Variants in ZNF383 observed in about 807,000 individuals in gnomAD.
The protein encoded by ZNF383 is zinc finger protein 383.
A neutral mutation model predicts 44.2 loss-of-function variants in ZNF383; 32 were observed. That is an observed-to-expected ratio of 0.72 (90% CI 0.55 to 0.97). ZNF383 has a LOEUF of 0.97. ZNF383 is among the 50% of genes least tolerant of loss of function. The probability of loss-of-function intolerance (pLI) is 0.00; values close to 1 mark genes in which losing one functional copy is unlikely to be tolerated. For missense variants in ZNF383, 487 were observed against 562.5 expected, an observed-to-expected ratio of 0.87 and a Z score of 1.36; for synonymous variants, 155 against 186.2, an observed-to-expected ratio of 0.83 and a Z score of 1.36.
chr19:37,243,143 A>G lies in ZNF383; in HGVS notation c.907A>G (p.Ile303Val). ...CTCACAACTTTTTCAGCATGCACGA[A>G]TTCATACAGGTGAGAAACCCTATGA... Reference protein sequence around the residue: ...KSSQLFQHARIHTGEKPYECK... With the variant: ...KSSQLFQHARVHTGEKPYECK... Residue 303 changes from isoleucine (I) to valine (V), a missense_variant, in exon 6 of 6, where the codon ATT (isoleucine) becomes GTT (valine). Coordinates refer to ENST00000684119, the MANE Select transcript of ZNF383 (RefSeq NM_001387601.1). 1 of 1,614,208 alleles carries G rather than the reference A, an allele frequency of 6.2e-7. No homozygotes were observed. Among genetic ancestry groups the G allele is most frequent in the Non-Finnish European group, 8.5e-7 (1 of 1,180,028 alleles).
chr19:37,227,184 G>A, intron 2 of ZNF383, among the ~76,000 whole-genome samples: 1 of 134,588 alleles, frequency 7.4e-6, no homozygotes, highest in East Asian at 2.2e-4. Context: ...GCGCAATCTC[G>A]GCTCACCGCA....
At chr19:37,220,699 C>T (rs190480750) in intron 1 of ZNF383, among the ~76,000 whole-genome samples, 19 of 152,164 alleles carry the variant, frequency 1.2e-4, no homozygotes, top group African/African-American at 3.9e-4. Flanking sequence ...CAGAAAAGCC[C>T]GCTAGTCCTT....
intron 2 of ZNF383, 38 bp from the exon 3 acceptor site, chr19:37,230,371 C>A: frequency 2.7e-6 from 4 of 1,465,926 alleles, no homozygotes; most frequent in Non-Finnish European, 3.8e-6. Flanking sequence ...GGTTTTACTT[C>A]CCCAGTCATG....
chr19:37,227,945 C>A (rs1232690859), intron 2 of ZNF383, among the ~76,000 whole-genome samples: 2 of 152,218 alleles, frequency 1.3e-5, no homozygotes, highest in African/African-American at 2.4e-5. Context: ...CAGGGCGGAA[C>A]ATGAAAGCGG....
rs150598767 is a variant in ZNF383 at position 37,243,458 on chromosome 19, C to G, written c.1222C>G (p.Gln408Glu). The G allele has an allele frequency of 4.3e-6, 7 of 1,613,904 alleles. No individual in the cohort carries two copies. In the Middle Eastern group the frequency reaches 9.9e-4, roughly 228 times the overall value. ...TGGGAAGGCCTTTACTCAGAACTCA[C>G]AACTTTTCCAGCATCAGAGAATTCA... ...ECGKAFTQNSQLFQHQRIHTD... is the reference protein window; with the variant it reads ...ECGKAFTQNSELFQHQRIHTD... The change falls in exon 6 of 6, where the codon CAA becomes GAA. Residue 408 changes from glutamine to glutamate, a missense_variant. By Grantham distance (29) the Gln-to-Glu change is conservative. Coordinates refer to ENST00000684119, the MANE Select transcript of ZNF383 (RefSeq NM_001387601.1).
At chr19:37,242,126 A>T (rs375157898) in intron 5 of ZNF383, among the ~76,000 whole-genome samples, 5 of 21,272 alleles carry the variant, frequency 2.4e-4, no homozygotes, top group Admixed American at 4.4e-4. Flanking sequence ...TATACTATAA[A>T]AGTATACTTA....
At chr19:37,227,004 T>C (rs1205407132) in intron 2 of ZNF383, among the ~76,000 whole-genome samples, 1 of 152,046 alleles carries the variant, frequency 6.6e-6, no homozygotes, top group Non-Finnish European at 1.5e-5. Context: ...AGACAGAATT[T>C]CACCATGTTG....
intron 4 of ZNF383, 136 bp from the exon 5 acceptor site, chr19:37,235,842 CA>C: frequency 8.3e-7 from 1 of 1,209,188 alleles, no homozygotes; most frequent in Non-Finnish European, 1.2e-6. Context: ...TTGGCAACTC[CA>C]GTGGGCTGTG....
Position 37,230,164 on chromosome 19 carries a change from T to C in ZNF383, c.-45-245T>C, listed in dbSNP as rs538299698. 2.6e-5 allele frequency among the ~76,000 whole-genome samples: 4 copies of C among 152,208 alleles called. No individual in the cohort carries two copies. In the East Asian group the frequency reaches 7.7e-4, roughly 29 times the overall value. On this transcript the variant is annotated intron_variant, in intron 2 of 5. Transcript: ENST00000684119. ...TGGGACAAGGTCTGGCCCGAATCCG[T>C]TGGCTAAGGCAGGAACTTAGGTTGT...
rs549533377 is a variant in ZNF383 at position 37,245,388 on chromosome 19, A to T, written c.*1724A>T. 5 of 152,258 alleles carry T rather than the reference A, an allele frequency of 3.3e-5. No homozygotes were observed. In the East Asian group the frequency reaches 9.6e-4, roughly 29 times the overall value. 9.4% of individuals were successfully genotyped at this position (152,258 alleles called of 1,614,324 possible). On this transcript the variant is annotated 3_prime_UTR_variant, in exon 6 of 6. Coordinates refer to ENST00000684119, the MANE Select transcript of ZNF383 (RefSeq NM_001387601.1). Reference sequence around the variant, plus strand: ...TCCTTGTGAGCTGTTTTGTTCCCTTACATCAATCCTAATCCCAATGCCATA... The same window carrying T: ...TCCTTGTGAGCTGTTTTGTTCCCTTTCATCAATCCTAATCCCAATGCCATA...
intron 1 of ZNF383, among the ~76,000 whole-genome samples, chr19:37,224,232 G>T (rs1002526615): frequency 2.0e-4 from 30 of 152,056 alleles, no homozygotes; most frequent in African/African-American, 3.9e-4. Context: ...TGTACATAAC[G>T]AACATATATT....
chr19:37,229,726 G>GTA (rs1367892454), intron 2 of ZNF383, among the ~76,000 whole-genome samples: 1 of 141,126 alleles, frequency 7.1e-6, no homozygotes, highest in Non-Finnish European at 1.5e-5. Flanking sequence ...GTATATATAT[G>GTA]TATATATATG....
chr19:37,243,761 T>A lies in ZNF383; in HGVS notation c.*97T>A. 2.5e-6 allele frequency: 2 copies of A among 801,206 alleles called. No individual in the cohort carries two copies. Among genetic ancestry groups the A allele is most frequent in the Non-Finnish European group, 3.7e-6 (2 of 540,694 alleles). 49.6% of individuals were successfully genotyped at this position (801,206 alleles called of 1,614,324 possible). On this transcript the variant is annotated 3_prime_UTR_variant, in exon 6 of 6. Transcript: ENST00000684119. ...GTAGTTTTTTTTAAAACTTTGTATT[T>A]AAATTTTGTATCCAAATGTATTTCA... is the stretch of plus-strand genomic sequence containing the variant.
chr19:37,232,658 G>A (rs1267501006), intron 3 of ZNF383, among the ~76,000 whole-genome samples: 2 of 152,108 alleles, frequency 1.3e-5, no homozygotes, highest in South Asian at 2.1e-4. Context: ...AGTGGAATAC[G>A]TCTATCTATA....
rs1313191737 is a variant in ZNF383, at chr19:37,242,802, A to G, written c.566A>G (p.Gln189Arg). 1.2e-5 allele frequency: 19 copies of G among 1,614,060 alleles called. No homozygotes were observed. The highest frequency in any genetic ancestry group is 1.6e-5 in the Non-Finnish European group (19 of 1,180,014). ...CAGAACTCACAATTTATTCAACATC[A>G]GAGAATTCATATTGGTGAAAAATCT... The part of the protein sequence containing the change: ...FSQNSQFIQH[Q>R]RIHIGEKSYE... Residue 189 changes from glutamine (Q) to arginine (R), a missense_variant, in exon 6 of 6, where the codon CAG becomes CGG. Transcript: ENST00000684119.
intron 2 of ZNF383, among the ~76,000 whole-genome samples, chr19:37,229,802 A>AT (rs66525453): frequency 0.011 from 1,336 of 125,336 alleles, 18 homozygotes; most frequent in African/African-American, 0.022. Context: ...ATATATATAT[A>AT]TTTTTTTTTT....
intron 1 of ZNF383, among the ~76,000 whole-genome samples, chr19:37,224,532 G>C (rs1973067611): frequency 6.6e-6 from 1 of 151,892 alleles, no homozygotes; most frequent in Non-Finnish European, 1.5e-5. Flanking sequence ...CATTGAACAT[G>C]TAGATTTTTC....
chr19:37,235,838 A>G, intron 4 of ZNF383, 141 bp from the exon 5 acceptor site: 1 of 1,214,396 alleles, frequency 8.2e-7, no homozygotes, highest in East Asian at 2.4e-5. Flanking sequence ...GAAATTGGCA[A>G]CTCCAGTGGG....
Position 37,247,216 on chromosome 19 carries a change from G to T in ZNF383, c.*3552G>T, listed in dbSNP as rs571362644. 1.3e-5 allele frequency: 2 copies of T among 152,116 alleles called. No homozygotes were observed. Among genetic ancestry groups the T allele is most frequent in the South Asian group, 4.1e-4 (2 of 4,820 alleles). The allele number at this position is 152,116 out of a possible 1,614,324, so 9.4% of individuals were successfully genotyped here. ...CTGAAATGAATTGTGGGAGGAAGGA[G>T]GTAGTATTATTTTAAAAGGCAGAAA... On this transcript the variant is annotated 3_prime_UTR_variant, in exon 6 of 6. Coordinates refer to ENST00000684119, the MANE Select transcript of ZNF383 (RefSeq NM_001387601.1).
Sources: gnomAD v4.1 joint callset for allele counts (sites outside exome capture counted in the v4.1 genomes callset) on GRCh38, gnomAD v4.1.1 for gene constraint, MANE v1.5 for transcripts, NCBI Gene and HGNC (gene_info 2026-07-23, HGNC 2026-07-21) for gene names.